CDH4: variants seen among roughly 807,000 people sequenced by gnomAD.
CDH4 encodes cadherin-4.
A neutral mutation model predicts 86.0 loss-of-function variants in CDH4; 33 were observed. That is an observed-to-expected ratio of 0.38 (90% CI 0.29 to 0.51). The LOEUF (loss-of-function observed/expected upper bound fraction) is 0.51. CDH4 is among the 20% of genes least tolerant of loss of function. CDH4 has a pLI of 0.86. For missense variants in CDH4, 1,114 were observed against 1,307.4 expected (o/e 0.85, Z 2.28); for synonymous variants, 555 against 549.4 (o/e 1.01, Z -0.14).
chr20:61,478,935 G>A (rs1477648621), intron 2 of CDH4, among the ~76,000 whole-genome samples: 3 of 152,078 alleles, frequency 2.0e-5, no homozygotes, highest in Admixed American at 6.5e-5. Context: ...CTATGTCAGA[G>A]AAACTTTCTT....
rs139929009 is a variant in CDH4, at chr20:61,347,787, C to T, written c.169+92850C>T. Among the ~76,000 whole-genome samples the T allele has an allele frequency of 8.0e-3, 1,218 of 152,254 alleles. 18 individuals are homozygous for T. Among genetic ancestry groups the T allele is most frequent in the African/African-American group, 0.028 (1,152 of 41,558 alleles). On this transcript the variant is annotated intron_variant, in intron 2 of 15. Transcript: ENST00000614565. ...CGGGGTGTGCTTTCCTGGTTCGGCA[C>T]GGGACATTGGTCTCTTCAACTTCAG...
chr20:61,323,272 G>A (rs931580915), intron 2 of CDH4, among the ~76,000 whole-genome samples: 4 of 152,170 alleles, frequency 2.6e-5, no homozygotes, highest in African/African-American at 9.7e-5. Context: ...TCCCGAGTGG[G>A]TGGCAGGTCA....
intron 2 of CDH4, among the ~76,000 whole-genome samples, chr20:61,282,218 G>A (rs1310657849): frequency 2.0e-5 from 3 of 152,112 alleles, no homozygotes; most frequent in Non-Finnish European, 4.4e-5. Flanking sequence ...AATTATCCAG[G>A]CGTGATGGTG....
chr20:61,908,007 C>G (rs1321166), intron 8 of CDH4, among the ~76,000 whole-genome samples: 148,545 of 152,314 alleles, frequency 0.98, 72,486 homozygotes, highest in East Asian at 1. Context: ...TGGACCTAAA[C>G]GTGACAGGCA....
intron 2 of CDH4, among the ~76,000 whole-genome samples, chr20:61,522,071 T>G (rs2085873402): frequency 6.6e-6 from 1 of 152,250 alleles, no homozygotes; most frequent in Non-Finnish European, 1.5e-5. Context: ...GTGGGAGCTC[T>G]CAGAGATTCG....
intron 2 of CDH4, among the ~76,000 whole-genome samples, chr20:61,473,509 G>T (rs1275589148): frequency 6.6e-6 from 1 of 152,108 alleles, no homozygotes; most frequent in Non-Finnish European, 1.5e-5. Flanking sequence ...CTCCAATGCT[G>T]GGTCTTCCTT....
intron 14 of CDH4, 98 bp downstream of exon 14, chr20:61,933,222 T>C (rs769131715): frequency 2.7e-5 from 39 of 1,444,590 alleles, no homozygotes; most frequent in Non-Finnish European, 3.7e-5. Flanking sequence ...CAGTAAGACA[T>C]TTCAACCTTT....
chr20:61,651,479 G>C (rs984184141), intron 2 of CDH4, among the ~76,000 whole-genome samples: 5 of 152,222 alleles, frequency 3.3e-5, no homozygotes, highest in African/African-American at 1.2e-4. Context: ...ATGACCGGCA[G>C]CCTGTTTCAC....
At chr20:61,785,181 A>G (rs1429235321) in intron 4 of CDH4, among the ~76,000 whole-genome samples, 1 of 151,652 alleles carries the variant, frequency 6.6e-6, no homozygotes. Context: ...TAGGACCCCC[A>G]CCCTATTCAC....
chr20:61,298,262 T>C (rs2084367565), intron 2 of CDH4, among the ~76,000 whole-genome samples: 1 of 152,114 alleles, frequency 6.6e-6, no homozygotes, highest in African/African-American at 2.4e-5. Flanking sequence ...GGCCACCAGC[T>C]CTGCATCATC....
chr20:61,439,230 G>A (rs1168546730), intron 2 of CDH4, among the ~76,000 whole-genome samples: 10 of 152,152 alleles, frequency 6.6e-5, no homozygotes, highest in Non-Finnish European at 1.3e-4. Flanking sequence ...GTGTTGCGGT[G>A]TGCGTTTTGG....
At chr20:61,584,801 G>A (rs2086457152) in intron 2 of CDH4, among the ~76,000 whole-genome samples, 1 of 152,190 alleles carries the variant, frequency 6.6e-6, no homozygotes, top group Non-Finnish European at 1.5e-5. Context: ...CCTGCAGGGG[G>A]CTGACAGCTG....
chr20:61,784,848 G>A (rs960982788), intron 4 of CDH4, among the ~76,000 whole-genome samples: 1 of 152,130 alleles, frequency 6.6e-6, no homozygotes, highest in Non-Finnish European at 1.5e-5. Context: ...TCCCTTTGCA[G>A]CTCTGGATGG....
At chr20:61,443,021 C>G (rs542681341) in intron 2 of CDH4, among the ~76,000 whole-genome samples, 2 of 152,310 alleles carry the variant, frequency 1.3e-5, no homozygotes, top group Non-Finnish European at 1.5e-5. Context: ...TGTCTTTAGA[C>G]GTTGCCAGTG....
At chr20:61,647,464 G>C (rs574285342) in intron 2 of CDH4, among the ~76,000 whole-genome samples, 4 of 151,784 alleles carry the variant, frequency 2.6e-5, no homozygotes, top group South Asian at 4.2e-4. Context: ...TTATGTCTTT[G>C]TATCTCAAAG....
chr20:61,923,082 C>T (rs997607182), intron 9 of CDH4, among the ~76,000 whole-genome samples: 9 of 152,232 alleles, frequency 5.9e-5, no homozygotes, highest in African/African-American at 4.8e-5. Context: ...ACGTCAGGAG[C>T]CTTCCCCACA....
intron 13 of CDH4, among the ~76,000 whole-genome samples, chr20:61,932,632 C>T (rs962776157): frequency 6.6e-6 from 1 of 152,188 alleles, no homozygotes; most frequent in African/African-American, 2.4e-5. Flanking sequence ...AGCCTTCATA[C>T]ACACGTCCTC....
chr20:61,573,864 G>A (rs1277675788), intron 2 of CDH4, among the ~76,000 whole-genome samples: 2 of 152,216 alleles, frequency 1.3e-5, no homozygotes, highest in East Asian at 1.9e-4. Context: ...AAAGCTGTGT[G>A]CTGATAACAT....
intron 2 of CDH4, among the ~76,000 whole-genome samples, chr20:61,272,718 A>G (rs1477544902): frequency 1.3e-5 from 2 of 150,862 alleles, no homozygotes; most frequent in Admixed American, 1.3e-4. Context: ...TACTGTGTGC[A>G]GTTGTTTGGG....
Sources: gnomAD v4.1 joint callset for allele counts (sites outside exome capture counted in the v4.1 genomes callset) on GRCh38, gnomAD v4.1.1 for gene constraint, MANE v1.5 for transcripts, NCBI Gene and HGNC (gene_info 2026-07-23, HGNC 2026-07-21) for gene names.